The following RIN3 variants were observed in gnomAD, a reference collection of about 807,000 sequenced individuals.
The protein encoded by RIN3 is RAB5 interacting protein 3.
In RIN3, 54 loss-of-function variants were observed where a neutral mutation model predicts 76.3. The observed-to-expected ratio is 0.71, with a 90% confidence interval of 0.57 to 0.89. The LOEUF is 0.89. RIN3 is among the 40% of genes least tolerant of loss of function. The probability of loss-of-function intolerance (pLI) is 0.00; values close to 1 mark genes in which losing one functional copy is unlikely to be tolerated. For synonymous variants in RIN3, 576 were observed against 564.0 expected, an observed-to-expected ratio of 1.02 and a Z score of -0.30; for missense variants, 1,256 against 1,322.1, an observed-to-expected ratio of 0.95 and a Z score of 0.78.
chr14:92,556,917 A>G (rs2140036396), intron 2 of RIN3, among the ~76,000 whole-genome samples: 1 of 152,188 alleles, frequency 6.6e-6, no homozygotes, highest in East Asian at 1.9e-4. Context: ...ATTTAAAAGT[A>G]TACAGTTCAG....
chr14:92,589,388 T>C (rs1884899976), intron 3 of RIN3, among the ~76,000 whole-genome samples: 1 of 152,164 alleles, frequency 6.6e-6, no homozygotes, highest in South Asian at 2.1e-4. Context: ...GGAAGCTTTA[T>C]GTCGCATACA....
intron 4 of RIN3, among the ~76,000 whole-genome samples, chr14:92,631,327 G>A (rs1009848563): frequency 1.3e-5 from 2 of 152,282 alleles, no homozygotes; most frequent in African/African-American, 2.4e-5. Context: ...AGAGCAGGAC[G>A]CCCCCATCCC....
At chr14:92,551,354 G>A (rs1897419914) in intron 1 of RIN3, among the ~76,000 whole-genome samples, 1 of 152,150 alleles carries the variant, frequency 6.6e-6, no homozygotes, top group Non-Finnish European at 1.5e-5. Context: ...CCATTCTGCC[G>A]CTGATGGACA....
At chr14:92,599,851 G>A (rs1025250953) in intron 3 of RIN3, among the ~76,000 whole-genome samples, 2 of 152,154 alleles carry the variant, frequency 1.3e-5, no homozygotes, top group Non-Finnish European at 2.9e-5. Flanking sequence ...CCATCTTGTC[G>A]CTAAAATGGG....
rs562727155 is a variant in RIN3, at chr14:92,543,079, T to TA, written c.45-12666dup. 1.4e-4 allele frequency among the ~76,000 whole-genome samples: 21 copies of TA among 152,278 alleles called. No individual in the cohort carries two copies. The South Asian group carries it at 4.4e-3, about 32-fold the overall frequency. On this transcript the variant is annotated intron_variant, in intron 1 of 9. Transcript: ENST00000216487. ...CTGAATTGGATTATTTAAATGCTGTTAAAAAACGAACCACCCTATCTGGAA... is the reference window on the plus strand; with the variant it reads ...CTGAATTGGATTATTTAAATGCTGTTAAAAAAACGAACCACCCTATCTGGAA...
At chr14:92,552,152 C>T (rs938261313) in intron 1 of RIN3, among the ~76,000 whole-genome samples, 1 of 152,164 alleles carries the variant, frequency 6.6e-6, no homozygotes, top group Non-Finnish European at 1.5e-5. Context: ...ATTCTTTAGG[C>T]AGTGGAATCC....
intron 7 of RIN3, among the ~76,000 whole-genome samples, chr14:92,670,305 G>T (rs1489589610): frequency 6.6e-6 from 1 of 152,216 alleles, no homozygotes; most frequent in Non-Finnish European, 1.5e-5. Flanking sequence ...TGGCAAAAAA[G>T]AAAGCAGAAA....
At chr14:92,571,417 G>T (rs1566847681) in intron 2 of RIN3, among the ~76,000 whole-genome samples, 1 of 152,180 alleles carries the variant, frequency 6.6e-6, no homozygotes, top group African/African-American at 2.4e-5. Flanking sequence ...GCAGTTGCAG[G>T]CAGTGTTGCT....
Position 92,617,953 on chromosome 14 carries a change from A to G in RIN3, c.440+2474A>G, listed in dbSNP as rs560334728. On this transcript the variant is annotated intron_variant, in intron 4 of 9. Coordinates refer to ENST00000216487, the MANE Select transcript of RIN3 (RefSeq NM_024832.5). ...GCTTCTTTTACTTTAAACCATGGAA[A>G]AAGGACCTAATAAATTATGCCCTTC... 5.3e-5 allele frequency among the ~76,000 whole-genome samples: 8 copies of G among 152,352 alleles called. No individual in the cohort carries two copies. In the South Asian group the frequency reaches 1.2e-3, roughly 24 times the overall value.
chr14:92,669,035 T>C (rs1888201582), intron 7 of RIN3, among the ~76,000 whole-genome samples: 1 of 152,260 alleles, frequency 6.6e-6, no homozygotes, highest in Admixed American at 6.5e-5. Flanking sequence ...ACCCAGCCCA[T>C]GTTTTTAGGA....
intron 3 of RIN3, among the ~76,000 whole-genome samples, chr14:92,603,866 G>A (rs976131948): frequency 6.6e-6 from 1 of 152,160 alleles, no homozygotes; most frequent in Non-Finnish European, 1.5e-5. Context: ...CGGGTCCCTG[G>A]GACTCCAAAG....
intron 3 of RIN3, 50 bp downstream of exon 3, chr14:92,577,527 C>T (rs377388548): frequency 4.2e-6 from 5 of 1,180,326 alleles, no homozygotes; most frequent in African/African-American, 1.5e-5. Context: ...GCAGCAGCAG[C>T]AGCAGAGAGG....
At chr14:92,533,470 A>G (rs902151268) in intron 1 of RIN3, among the ~76,000 whole-genome samples, 1 of 152,262 alleles carries the variant, frequency 6.6e-6, no homozygotes, top group Non-Finnish European at 1.5e-5. Context: ...CCAAATGCCC[A>G]TCAGTCAATA....
chr14:92,587,326 G>A (rs1221568640), intron 3 of RIN3, among the ~76,000 whole-genome samples: 2 of 152,214 alleles, frequency 1.3e-5, no homozygotes, highest in Admixed American at 6.5e-5. Flanking sequence ...GCTAAGATAA[G>A]GGGCAGGCCC....
rs908210984 is a variant in RIN3, at chr14:92,514,072, C to A, written c.44+96C>A. On this transcript the variant is annotated intron_variant, in intron 1 of 9. Coordinates refer to ENST00000216487, the MANE Select transcript of RIN3 (RefSeq NM_024832.5). This position sits in a 1 kb window ranked among gnomAD's most constrained non-coding sequence, Gnocchi z 7.2. The stretch of plus-strand genomic sequence containing the variant: ...TTCTTGTCCCAGAGAGTCCTTCGGG[C>A]GCGTGACCTCGGGGTTGTCGGGCTG... 3.4e-6 allele frequency: 3 copies of A among 881,596 alleles called. No homozygotes were observed. The highest frequency in any genetic ancestry group is 1.7e-5 in the African/African-American group (1 of 57,686). The allele number at this position is 881,596 out of a possible 1,614,324, so 54.6% of individuals were successfully genotyped here.
chr14:92,661,192 C>T (rs1157371440), intron 7 of RIN3, among the ~76,000 whole-genome samples: 1 of 152,214 alleles, frequency 6.6e-6, no homozygotes, highest in Admixed American at 6.5e-5. Context: ...ATGCACAGCA[C>T]CTGGCAGGCT....
At chr14:92,684,165 A>AG in intron 8 of RIN3, among the ~76,000 whole-genome samples, 2 of 152,266 alleles carry the variant, frequency 1.3e-5, no homozygotes, top group Middle Eastern at 6.8e-3. Flanking sequence ...GGATCACCTG[A>AG]GGTCAGGCAT....
intron 3 of RIN3, 132 bp from the exon 4 acceptor site, chr14:92,615,275 G>A (rs1016856860): frequency 1.6e-5 from 12 of 731,524 alleles, no homozygotes; most frequent in South Asian, 4.7e-5. Context: ...TATGGGGGCC[G>A]CATGCAGCCC....
At chr14:92,665,394 T>TGC (rs1888052849) in intron 7 of RIN3, among the ~76,000 whole-genome samples, 1 of 112,684 alleles carries the variant, frequency 8.9e-6, no homozygotes. Flanking sequence ...TTTTTTTTTT[T>TGC]TTGAGACAGA....
Sources: gnomAD v4.1 joint callset for allele counts (sites outside exome capture counted in the v4.1 genomes callset) on GRCh38, gnomAD v4.1.1 for gene constraint, Gnocchi (gnomAD v3.1) non-coding constraint, MANE v1.5 for transcripts, NCBI Gene and HGNC (gene_info 2026-07-23, HGNC 2026-07-21) for gene names.